PKIB: variants seen among roughly 807,000 people sequenced by gnomAD.
PKIB encodes the protein cAMP-dependent protein kinase inhibitor beta.
In PKIB, 2 loss-of-function variants were observed where a neutral mutation model predicts 4.5. That is an observed-to-expected ratio of 0.44 (90% CI 0.18 to 1.39). PKIB has a LOEUF of 1.39. Among genes scored for constraint, PKIB ranks in the 40% most tolerant of loss-of-function variants. PKIB has a pLI of 0.27. For synonymous variants in PKIB, 38 were observed against 36.0 expected (o/e 1.06, Z -0.20); for missense variants, 94 against 92.6 (o/e 1.02, Z -0.06).
chr6:122,673,350 A>G (rs961514010), intron 2 of PKIB, among the ~76,000 whole-genome samples: 2 of 152,204 alleles, frequency 1.3e-5, no homozygotes, highest in Admixed American at 1.3e-4. Flanking sequence ...TATTAAGACT[A>G]CAAAATTTTG....
At chr6:122,518,315 G>A (rs563335447) in intron 2 of PKIB, among the ~76,000 whole-genome samples, 4 of 152,142 alleles carry the variant, frequency 2.6e-5, no homozygotes, top group African/African-American at 9.6e-5. Flanking sequence ...CAAGATTTAA[G>A]GTAATCTAGA....
chr6:122,578,239 G>T (rs1221295575), intron 2 of PKIB, among the ~76,000 whole-genome samples: 3 of 152,142 alleles, frequency 2.0e-5, no homozygotes, highest in African/African-American at 4.8e-5. Flanking sequence ...ATTTTCACAG[G>T]ATTTGGAAAA....
intron 2 of PKIB, among the ~76,000 whole-genome samples, chr6:122,502,471 G>A (rs1013041182): frequency 2.0e-5 from 3 of 151,630 alleles, no homozygotes; most frequent in Non-Finnish European, 4.4e-5. Flanking sequence ...AATCAGAAGA[G>A]GGCAAAGGGG....
intron 2 of PKIB, among the ~76,000 whole-genome samples, chr6:122,563,944 C>T (rs537368366): frequency 6.6e-6 from 1 of 152,326 alleles, no homozygotes; most frequent in East Asian, 1.9e-4. Flanking sequence ...CAGATTTGCA[C>T]ACCTTCCCCC....
intron 2 of PKIB, among the ~76,000 whole-genome samples, chr6:122,653,536 C>T (rs1055273717): frequency 5.8e-4 from 3 of 5,164 alleles, no homozygotes; most frequent in African/African-American, 7.2e-4. Context: ...ATCATTCAAA[C>T]CTGGTGGGGC....
chr6:122,696,111 A>T (rs567945363), intron 3 of PKIB, among the ~76,000 whole-genome samples: 1 of 152,298 alleles, frequency 6.6e-6, no homozygotes, highest in East Asian at 1.9e-4. Context: ...ACAAACGATC[A>T]CTTAAGTTTC....
intron 2 of PKIB, among the ~76,000 whole-genome samples, chr6:122,508,068 CTTGTG>C (rs2114574170): frequency 1.3e-5 from 2 of 152,136 alleles, no homozygotes; most frequent in South Asian, 4.2e-4. Flanking sequence ...ATAGGGAATG[CTTGTG>C]TTGTGTTTAA....
intron 2 of PKIB, among the ~76,000 whole-genome samples, chr6:122,512,385 T>C (rs757573977): frequency 4.6e-5 from 7 of 152,178 alleles, no homozygotes; most frequent in Non-Finnish European, 8.8e-5. Context: ...ATATTGGAAA[T>C]TGGTGACTAT....
At chr6:122,694,115 A>G (rs576061706) in intron 3 of PKIB, among the ~76,000 whole-genome samples, 1 of 152,180 alleles carries the variant, frequency 6.6e-6, no homozygotes, top group African/African-American at 2.4e-5. Flanking sequence ...GAAGATACTT[A>G]ATCAATGGAT....
At chr6:122,724,636 C>T (rs1227582930) in intron 4 of PKIB, among the ~76,000 whole-genome samples, 1 of 152,028 alleles carries the variant, frequency 6.6e-6, no homozygotes, top group Non-Finnish European at 1.5e-5. Flanking sequence ...TGAGGGAACT[C>T]CTGTCTGATA....
At chr6:122,574,391 C>G (rs752876376) in intron 2 of PKIB, among the ~76,000 whole-genome samples, 7 of 151,946 alleles carry the variant, frequency 4.6e-5, no homozygotes, top group Non-Finnish European at 8.8e-5. Context: ...TCATCGTTCC[C>G]CACAGAACTA....
chr6:122,493,638 T>G (rs1303814841), intron 2 of PKIB, among the ~76,000 whole-genome samples: 1 of 152,238 alleles, frequency 6.6e-6, no homozygotes, highest in African/African-American at 2.4e-5. Flanking sequence ...TAGTACCTCT[T>G]GTCTGAGAGT....
intron 2 of PKIB, among the ~76,000 whole-genome samples, chr6:122,641,690 C>CTTA (rs998063421): frequency 6.6e-6 from 1 of 151,828 alleles, no homozygotes; most frequent in African/African-American, 2.4e-5. Flanking sequence ...CTTGTTACTG[C>CTTA]TTATTATTAT....
At chr6:122,638,033 TAATTC>T (rs1775992071) in intron 2 of PKIB, among the ~76,000 whole-genome samples, 1 of 152,112 alleles carries the variant, frequency 6.6e-6, no homozygotes, top group Non-Finnish European at 1.5e-5. Flanking sequence ...AAAAATGAAA[TAATTC>T]AATTTCTGTC....
At chr6:122,671,596 G>A (rs532442178) in intron 2 of PKIB, among the ~76,000 whole-genome samples, 84 of 152,238 alleles carry the variant, frequency 5.5e-4, no homozygotes, top group African/African-American at 1.9e-3. Context: ...TGATTTTTAT[G>A]TTTACAATTC....
intron 3 of PKIB, among the ~76,000 whole-genome samples, chr6:122,676,023 T>C (rs1777659603): frequency 6.6e-6 from 1 of 152,046 alleles, no homozygotes; most frequent in Non-Finnish European, 1.5e-5. Context: ...TTCAATCACA[T>C]TACATTTATT....
chr6:122,610,968 G>A (rs1052957259), intron 1 of PKIB, among the ~76,000 whole-genome samples: 1 of 152,346 alleles, frequency 6.6e-6, no homozygotes, highest in Non-Finnish European at 1.5e-5. Flanking sequence ...GCAGAGACCC[G>A]AGTACTAACC....
chr6:122,699,916 C>T (rs1778727057), intron 3 of PKIB, among the ~76,000 whole-genome samples: 1 of 152,072 alleles, frequency 6.6e-6, no homozygotes, highest in African/African-American at 2.4e-5. Context: ...CCAGAACTCC[C>T]CTAATGTTAT....
chr6:122,568,379 G>T (rs567240258), intron 2 of PKIB, among the ~76,000 whole-genome samples: 1 of 152,280 alleles, frequency 6.6e-6, no homozygotes, highest in Non-Finnish European at 1.5e-5. Context: ...CATGAGACAG[G>T]TGAAAAACTG....
Sources: gnomAD v4.1 joint callset for allele counts (sites outside exome capture counted in the v4.1 genomes callset) on GRCh38, gnomAD v4.1.1 for gene constraint, MANE v1.5 for transcripts, NCBI Gene and HGNC (gene_info 2026-07-23, HGNC 2026-07-21) for gene names.